Variants in RUVBL1 observed in about 807,000 individuals in gnomAD.
RUVBL1 encodes the protein RuvB like AAA ATPase 1, also known as ruvB-like 1.
In RUVBL1, 4 loss-of-function variants were observed where a neutral mutation model predicts 52.4. That is an observed-to-expected ratio of 0.08 (90% CI 0.04 to 0.17). RUVBL1 has a LOEUF of 0.17. Among genes scored for constraint, RUVBL1 ranks in the 10% least tolerant of loss-of-function variants. The pLI, the probability that RUVBL1 is intolerant of heterozygous loss-of-function variation, is 1.00. For missense variants in RUVBL1, 298 were observed against 572.8 expected, an observed-to-expected ratio of 0.52 and a Z score of 4.90; for synonymous variants, 217 against 214.4, an observed-to-expected ratio of 1.01 and a Z score of -0.10.
At chr3:128,066,053 A>G (rs1282494249) in intron 9 of RUVBL1, among the ~76,000 whole-genome samples, 2 of 151,632 alleles carry the variant, frequency 1.3e-5, no homozygotes, top group East Asian at 3.9e-4. Flanking sequence ...TAAGTATTTA[A>G]TTTTTAAATC....
chr3:128,134,282 G>A (rs1381499864), intron 1 of RUVBL1, among the ~76,000 whole-genome samples: 6 of 151,700 alleles, frequency 4.0e-5, no homozygotes, highest in Non-Finnish European at 7.4e-5. Context: ...GGCCAACAAA[G>A]TGAAACCCCT....
intron 3 of RUVBL1, among the ~76,000 whole-genome samples, chr3:128,112,580 T>C (rs970620551): frequency 6.6e-6 from 1 of 152,202 alleles, no homozygotes; most frequent in Admixed American, 6.5e-5. Flanking sequence ...GATAGTCATC[T>C]CTAATGGCAA....
At chr3:128,068,793 C>T (rs1419130637) in intron 9 of RUVBL1, 4 of 152,452 alleles carry the variant, frequency 2.6e-5, no homozygotes, top group African/African-American at 9.7e-5. Flanking sequence ...TACAACTACT[C>T]ATCTCTTCCA....
In RUVBL1 at chr3:128,082,618, G is replaced by A. The variant is rs1235792836; in HGVS notation, c.1120-44C>T. 1.4e-6 allele frequency: 2 copies of A among 1,459,168 alleles called. No individual in the cohort carries two copies. Among genetic ancestry groups the A allele is most frequent in the South Asian group, 2.4e-5 (2 of 84,512 alleles). 90.4% of individuals were successfully genotyped at this position (1,459,168 alleles called of 1,614,324 possible). ...CATGATCAACGGTGACTGACCTCAA[G>A]TGCCCCATTTCTAAAGTGCTTTAAA... On this transcript the variant is annotated intron_variant, in intron 9 of 10. Coordinates refer to ENST00000322623, the MANE Select transcript of RUVBL1 (RefSeq NM_003707.3). The surrounding 1 kb of genome is among the most constrained non-coding windows in gnomAD (Gnocchi z 4.7).
chr3:128,109,605 C>T (rs1943328703), intron 3 of RUVBL1, among the ~76,000 whole-genome samples: 1 of 151,908 alleles, frequency 6.6e-6, no homozygotes, highest in African/African-American at 2.4e-5. Flanking sequence ...GTGATCCTCC[C>T]ACCCCAGCCT....
At chr3:128,149,189 C>CTTT (rs34444238) in intron 1 of RUVBL1, among the ~76,000 whole-genome samples, 9 of 133,000 alleles carry the variant, frequency 6.8e-5, no homozygotes, top group Non-Finnish European at 9.7e-5. Context: ...TTCTTTCTTT[C>CTTT]TTTTTTTTTT....
chr3:128,117,616 G>GTTT (rs772377287), intron 2 of RUVBL1, among the ~76,000 whole-genome samples: 1 of 140,720 alleles, frequency 7.1e-6, no homozygotes, highest in Non-Finnish European at 1.6e-5. Flanking sequence ...CAGTTTTTTT[G>GTTT]TTTTTTTTTT....
At chr3:128,143,681 TATGCCAGGGTTGGCTGTG>T (rs1174312078) in intron 1 of RUVBL1, among the ~76,000 whole-genome samples, 1 of 152,112 alleles carries the variant, frequency 6.6e-6, no homozygotes, top group East Asian at 1.9e-4. Context: ...CCCTGGGAAA[TATGCCAGGGTTGGCTGTG>T]ACTAGGCCAA....
chr3:128,138,095 G>T (rs912739513), intron 1 of RUVBL1, among the ~76,000 whole-genome samples: 2 of 152,134 alleles, frequency 1.3e-5, no homozygotes, highest in African/African-American at 4.8e-5. Flanking sequence ...CATACTGAAT[G>T]GGGGAAAACT....
At chr3:128,097,675 C>CACTGAAT (rs1462826192) in intron 7 of RUVBL1, among the ~76,000 whole-genome samples, 177 bp from the exon 8 acceptor site, 1 of 152,180 alleles carries the variant, frequency 6.6e-6, no homozygotes, top group Non-Finnish European at 1.5e-5. Context: ...CATCTGAACA[C>CACTGAAT]AGTGATAATC....
Position 128,087,889 on chromosome 3 carries a change from C to T in RUVBL1, c.1017-81G>A, listed in dbSNP as rs115741988. ...ACTGGAAATACAGATCCAACACTCA[C>T]ACCACAAGCAGCTGGCTAGGCAGCC... On this transcript the variant is annotated intron_variant, in intron 8 of 10. Transcript: ENST00000322623. The T allele has an allele frequency of 2.6e-3, 2,557 of 980,156 alleles. 34 individuals carry two copies. The African/African-American group carries it at 0.036, about 14-fold the overall frequency. 60.7% of individuals were successfully genotyped at this position (980,156 alleles called of 1,614,324 possible).
chr3:128,081,152 TGG>T lies in RUVBL1; in HGVS notation c.*96_*97del. 7.9e-7 allele frequency: 1 copy of T among 1,273,790 alleles called. No individual in the cohort carries two copies. The highest frequency in any genetic ancestry group is 1.1e-6 in the Non-Finnish European group (1 of 906,654). The allele number at this position is 1,273,790 out of a possible 1,614,324, so 78.9% of individuals were successfully genotyped here. On this transcript the variant is annotated 3_prime_UTR_variant, in exon 11 of 11. Transcript: ENST00000322623. This position sits in a 1 kb window ranked among gnomAD's most constrained non-coding sequence, Gnocchi z 4.8. ...GACAGCGCTGCAGACCACGCCTGAG[TGG>T]GGACGGCAGCCCCAAGCCCAGGGGC...
At chr3:128,091,810 T>C (rs1364696395) in intron 8 of RUVBL1, among the ~76,000 whole-genome samples, 2 of 152,210 alleles carry the variant, frequency 1.3e-5, no homozygotes, top group Admixed American at 6.5e-5. Context: ...TTCTGAGTCA[T>C]GTTAAGTAAA....
chr3:128,123,990 G>A, upstream of RUVBL1: 1 of 859,154 alleles, frequency 1.2e-6, no homozygotes. Flanking sequence ...TGCCGAGGCT[G>A]GGGTCGGGAG....
At chr3:128,070,752 T>TG (rs1302812903) in intron 9 of RUVBL1, 1 of 152,302 alleles carries the variant, frequency 6.6e-6, no homozygotes, top group Non-Finnish European at 1.5e-5. Flanking sequence ...GTGGTGGTGT[T>TG]GATCAGTTGC....
chr3:128,098,971 G>T lies in RUVBL1; in HGVS notation c.754-26C>A, dbSNP rs1170445445. The T allele has an allele frequency of 1.9e-6, 3 of 1,599,946 alleles. No homozygotes were observed. The South Asian group carries it at 3.3e-5, about 18-fold the overall frequency. ...CTGCATAAGAGAAGACTTAGAGTCAGTGCTGCTTTCTAAGGTGACTACAGA... is the reference window on the plus strand; with the variant it reads ...CTGCATAAGAGAAGACTTAGAGTCATTGCTGCTTTCTAAGGTGACTACAGA... On this transcript the variant is annotated intron_variant, in intron 6 of 10. Coordinates refer to ENST00000322623, the MANE Select transcript of RUVBL1 (RefSeq NM_003707.3).
intron 3 of RUVBL1, among the ~76,000 whole-genome samples, chr3:128,112,458 T>A (rs781755525): frequency 1.3e-5 from 2 of 152,126 alleles, no homozygotes; most frequent in African/African-American, 4.8e-5. Flanking sequence ...CACTCCTCAG[T>A]CTCCTCACTC....
At chr3:128,130,172 G>A (rs1430406231) in intron 1 of RUVBL1, among the ~76,000 whole-genome samples, 1 of 152,074 alleles carries the variant, frequency 6.6e-6, no homozygotes, top group African/African-American at 2.4e-5. Flanking sequence ...GAAAACAAGA[G>A]AGAAGACTAA....
chr3:128,101,855 G>C (rs1341270672), intron 4 of RUVBL1, among the ~76,000 whole-genome samples: 3 of 152,196 alleles, frequency 2.0e-5, no homozygotes, highest in African/African-American at 4.8e-5. Flanking sequence ...GCACACCAGG[G>C]AGAAAATAGG....
Sources: allele counts gnomAD v4.1 joint callset (sites outside exome capture counted in the v4.1 genomes callset), GRCh38; gene constraint gnomAD v4.1.1; non-coding constraint Gnocchi (gnomAD v3.1); transcripts MANE v1.5; gene names NCBI Gene and HGNC (gene_info 2026-07-23, HGNC 2026-07-21).